Variants in C10orf143 observed in about 807,000 individuals in gnomAD.
The protein encoded by C10orf143 is uncharacterized protein C10orf143.
chr10:130,103,192 G>T (rs1861586863), intron 1 of C10orf143, among the ~76,000 whole-genome samples: 1 of 152,070 alleles, frequency 6.6e-6, no homozygotes, highest in African/African-American at 2.4e-5. Flanking sequence ...TGGTCAGACT[G>T]GTCTTGAACT....
rs141101111 is a variant in C10orf143, at chr10:130,087,456, G to A, written c.70-7555C>T. On this transcript the variant is annotated intron_variant, in intron 1 of 3. Transcript: ENST00000637128. Reference sequence around the variant, plus strand: ...AAAGGTGAAGCAGGAGCGTGGCCGAGAAATAGACGCTGTTTCAAACGATGC... The same window carrying A: ...AAAGGTGAAGCAGGAGCGTGGCCGAAAAATAGACGCTGTTTCAAACGATGC... 3.1e-3 allele frequency among the ~76,000 whole-genome samples: 466 copies of A among 152,286 alleles called. 1 individual carries two copies. The highest frequency in any genetic ancestry group is 0.011 in the African/African-American group (437 of 41,548).
intron 3 of C10orf143, among the ~76,000 whole-genome samples, chr10:130,038,989 T>G (rs1860576163): frequency 6.6e-6 from 1 of 152,190 alleles, no homozygotes; most frequent in African/African-American, 2.4e-5. Context: ...CTTCCCAGTT[T>G]GCCCAGGATG....
At chr10:130,053,313 C>T (rs565897741) in intron 3 of C10orf143, among the ~76,000 whole-genome samples, 8 of 152,322 alleles carry the variant, frequency 5.3e-5, no homozygotes, top group Admixed American at 1.3e-4. Flanking sequence ...CCTCGTGATC[C>T]GCCTGCCTTG....
At chr10:130,073,608 A>C (rs1479231031) in intron 3 of C10orf143, among the ~76,000 whole-genome samples, 4 of 148,468 alleles carry the variant, frequency 2.7e-5, no homozygotes, top group South Asian at 2.1e-4. Context: ...CTATTACGTG[A>C]TCAGCTGTGT....
At position 130,088,047 on chromosome 10, in the gene C10orf143, G is replaced by A. The variant is rs913392204; in HGVS notation, c.70-8146C>T. Among the ~76,000 whole-genome samples the A allele has an allele frequency of 3.3e-5, 5 of 152,350 alleles. No homozygotes were observed. In the South Asian group the frequency reaches 1.0e-3, roughly 32 times the overall value. ...ATATGTATTACATGTGTTAACACGT[G>A]AGCGAGCATATGAGTTAAGCAAATA... On this transcript the variant is annotated intron_variant, in intron 1 of 3. Coordinates refer to ENST00000637128, the MANE Select transcript of C10orf143 (RefSeq NM_001355042.2).
chr10:130,057,287 C>A (rs1462887766), intron 3 of C10orf143, among the ~76,000 whole-genome samples: 2 of 152,162 alleles, frequency 1.3e-5, no homozygotes, highest in East Asian at 1.9e-4. Flanking sequence ...TTGTTTCACA[C>A]TGTTGTACAA....
At chr10:130,096,178 C>T (rs553328974) in intron 1 of C10orf143, among the ~76,000 whole-genome samples, 50 of 151,996 alleles carry the variant, frequency 3.3e-4, no homozygotes, top group African/African-American at 1.0e-3. Context: ...ATGAGGCCAA[C>T]GAACATGAAA....
intron 1 of C10orf143, among the ~76,000 whole-genome samples, chr10:130,108,964 C>G (rs1861712203): frequency 6.6e-6 from 1 of 152,186 alleles, no homozygotes; most frequent in South Asian, 2.1e-4. Flanking sequence ...CCACACCACT[C>G]TTCTCTCAAG....
intron 3 of C10orf143, among the ~76,000 whole-genome samples, chr10:130,075,520 A>C (rs775699282): frequency 7.2e-5 from 11 of 152,166 alleles, no homozygotes; most frequent in Non-Finnish European, 1.5e-4. Context: ...AACAGAAACC[A>C]ATCTAGGTAT....
At chr10:130,070,413 A>G (rs1053977433) in intron 3 of C10orf143, among the ~76,000 whole-genome samples, 5 of 152,198 alleles carry the variant, frequency 3.3e-5, no homozygotes, top group South Asian at 2.1e-4. Context: ...TCTGGCATCT[A>G]TTGCTACTAA....
chr10:130,108,061 T>C (rs145078012), intron 1 of C10orf143: 14 of 1,486,950 alleles, frequency 9.4e-6, no homozygotes, highest in Middle Eastern at 3.5e-4. Context: ...GTAATTTAAA[T>C]ATCCCTGATT....
chr10:130,091,738 G>A (rs2134789085), intron 1 of C10orf143, among the ~76,000 whole-genome samples: 1 of 152,238 alleles, frequency 6.6e-6, no homozygotes, highest in African/African-American at 2.4e-5. Flanking sequence ...TGATGGAGCT[G>A]AAAAACACAG....
At chr10:130,049,274 G>A (rs1035546860) in intron 3 of C10orf143, among the ~76,000 whole-genome samples, 5 of 152,222 alleles carry the variant, frequency 3.3e-5, no homozygotes, top group African/African-American at 1.2e-4. Context: ...AGGCATCTTT[G>A]AGCAATGGGG....
In C10orf143 at chr10:130,056,338, G is replaced by A. The variant is rs982943838; in HGVS notation, c.298-20368C>T. 4.1e-4 allele frequency among the ~76,000 whole-genome samples: 63 copies of A among 152,184 alleles called. No individual in the cohort carries two copies. Among genetic ancestry groups the A allele is most frequent in the Non-Finnish European group, 1.6e-4 (11 of 67,994 alleles). Reference sequence around the variant, plus strand: ...CCAGAAGATCAGGGGTGGGGGTGCCGTCATGAGCAGGATGAGGGCAGCACC... The same window carrying A: ...CCAGAAGATCAGGGGTGGGGGTGCCATCATGAGCAGGATGAGGGCAGCACC... On this transcript the variant is annotated intron_variant and NMD_transcript_variant, in intron 3 of 5. Coordinates refer to the C10orf143 transcript ENST00000643056. The surrounding 1 kb of genome is among the most constrained non-coding windows in gnomAD (Gnocchi z 4.6).
downstream of C10orf143, among the ~76,000 whole-genome samples, chr10:130,063,304 C>G (rs746597556): frequency 6.6e-6 from 1 of 152,020 alleles, no homozygotes; most frequent in Non-Finnish European, 1.5e-5. Context: ...CTTTTTTTCC[C>G]GTAAAAATTA....
intron 1 of C10orf143, among the ~76,000 whole-genome samples, chr10:130,102,144 C>G (rs1861567850): frequency 6.6e-6 from 1 of 151,974 alleles, no homozygotes; most frequent in Non-Finnish European, 1.5e-5. Flanking sequence ...GTGCCATGTG[C>G]CTGAAGTCCC....
At chr10:130,088,497 T>G (rs1296712060) in intron 1 of C10orf143, among the ~76,000 whole-genome samples, 5 of 152,210 alleles carry the variant, frequency 3.3e-5, no homozygotes, top group Non-Finnish European at 7.3e-5. Flanking sequence ...ATCTTTCATT[T>G]TGAAGGTATT....
intron 3 of C10orf143, chr10:130,067,909 G>C (rs572676940): frequency 3.3e-4 from 50 of 152,650 alleles, no homozygotes; most frequent in African/African-American, 1.2e-3. Flanking sequence ...CTCACAAAGG[G>C]GTTATTACAA....
intron 3 of C10orf143, among the ~76,000 whole-genome samples, 178 bp downstream of exon 3, chr10:130,079,388 A>G (rs1444904311): frequency 6.6e-6 from 1 of 152,256 alleles, no homozygotes; most frequent in Non-Finnish European, 1.5e-5. Flanking sequence ...AGCTGGACAC[A>G]AATTAGTTTG....
Sources: gnomAD v4.1 joint callset for allele counts (sites outside exome capture counted in the v4.1 genomes callset) on GRCh38, gnomAD v4.1.1 for gene constraint, Gnocchi (gnomAD v3.1) non-coding constraint, MANE v1.5 for transcripts, NCBI Gene and HGNC (gene_info 2026-07-23, HGNC 2026-07-21) for gene names.